The following LRRFIP1 variants were observed in gnomAD, a reference collection of about 807,000 sequenced individuals.
LRRFIP1 encodes LRR binding FLII interacting protein 1, also known as leucine-rich repeat flightless-interacting protein 1.
A neutral mutation model predicts 104.4 loss-of-function variants in LRRFIP1; 62 were observed. The ratio of observed to expected loss-of-function variants is 0.59; its 90% CI spans 0.48 to 0.73. LRRFIP1 has a LOEUF of 0.73. Ranked by LOEUF, LRRFIP1 falls within the 30% of genes least tolerant of loss-of-function variation. The pLI is 0.00. For missense variants in LRRFIP1, 796 were observed against 824.5 expected (o/e 0.97, Z 0.42); for synonymous variants, 300 against 299.0 (o/e 1.00, Z -0.03).
chr2:237,731,703 A>C (rs1336744997), intron 8 of LRRFIP1, among the ~76,000 whole-genome samples: 6 of 152,252 alleles, frequency 3.9e-5, no homozygotes, highest in Admixed American at 3.3e-4. Flanking sequence ...GATGGCAATA[A>C]ATATCTCATC....
chr2:237,774,214 C>A, intron 22 of LRRFIP1, 144 bp from the exon 23 acceptor site: 1 of 622,056 alleles, frequency 1.6e-6, no homozygotes, highest in Non-Finnish European at 2.9e-6. Context: ...CTCAAACCCA[C>A]ACCATAGTCC....
chr2:237,634,884 A>G (rs1432792018), intron 1 of LRRFIP1, among the ~76,000 whole-genome samples: 1 of 152,242 alleles, frequency 6.6e-6, no homozygotes, highest in Non-Finnish European at 1.5e-5. Flanking sequence ...AACAAAGCAG[A>G]TAATCTATCA....
chr2:237,647,901 G>C (rs1389048736), intron 1 of LRRFIP1, among the ~76,000 whole-genome samples: 2 of 152,082 alleles, frequency 1.3e-5, no homozygotes, highest in Non-Finnish European at 2.9e-5. Flanking sequence ...AGAAGTGGAG[G>C]CTGCTGCCAA....
chr2:237,681,866 A>G (rs1441000465), intron 1 of LRRFIP1, among the ~76,000 whole-genome samples: 1 of 149,554 alleles, frequency 6.7e-6, no homozygotes, highest in Non-Finnish European at 1.5e-5. Flanking sequence ...TTTTTAGTAG[A>G]GACGGGGTTT....
chr2:237,738,178 T>C (rs2095310287), intron 10 of LRRFIP1, among the ~76,000 whole-genome samples: 1 of 152,062 alleles, frequency 6.6e-6, no homozygotes, highest in African/African-American at 2.4e-5. Flanking sequence ...CCTGAAGATC[T>C]GGATGAGATC....
intron 1 of LRRFIP1, among the ~76,000 whole-genome samples, chr2:237,679,027 A>AG (rs1410481744): frequency 6.6e-6 from 1 of 152,220 alleles, no homozygotes; most frequent in Non-Finnish European, 1.5e-5. Flanking sequence ...GACTCCCACC[A>AG]GGCACAGCGC....
intron 11 of LRRFIP1, among the ~76,000 whole-genome samples, chr2:237,745,650 C>A (rs2057746442): frequency 6.6e-6 from 1 of 152,136 alleles, no homozygotes; most frequent in Admixed American, 6.5e-5. Context: ...AGCTTTCTTG[C>A]AAGAAATACC....
intron 8 of LRRFIP1, among the ~76,000 whole-genome samples, chr2:237,730,283 C>T (rs527308844): frequency 2.6e-5 from 4 of 152,280 alleles, no homozygotes; most frequent in African/African-American, 9.6e-5. Context: ...CATCCAAATC[C>T]ACATGTTTAC....
At chr2:237,733,625 A>G (rs2095111254) in intron 8 of LRRFIP1, 149 bp from the exon 9 acceptor site, 1 of 656,624 alleles carries the variant, frequency 1.5e-6, no homozygotes, top group South Asian at 2.4e-5. Flanking sequence ...TTTGCAGAAA[A>G]CACGGTGCCT....
At chr2:237,763,513 A>G in intron 19 of LRRFIP1, 1 of 1,613,716 alleles carries the variant, frequency 6.2e-7, no homozygotes, top group Non-Finnish European at 8.5e-7. Flanking sequence ...ATCAGAACAC[A>G]GATTTAAGTG....
chr2:237,770,806 C>T (rs973900592), intron 20 of LRRFIP1: 10 of 152,220 alleles, frequency 6.6e-5, no homozygotes, highest in African/African-American at 2.2e-4. Flanking sequence ...AACAAAGAAA[C>T]ACTGAACAGT....
At position 237,758,766 on chromosome 2, in the gene LRRFIP1, G is replaced by C; in HGVS notation, c.1262G>C (p.Arg421Thr). Residue 421 changes from arginine (R) to threonine (T), a missense_variant, in exon 18 of 24, where the codon AGG becomes ACG. Arg to Thr is a moderately conservative substitution (Grantham distance 71). Coordinates refer to ENST00000308482, the MANE Select transcript of LRRFIP1 (RefSeq NM_001137550.2). ...ERQKEFFDSV[R>T]SERDDLREEV... Reference sequence around the variant, plus strand: ...CAGAAAGAGTTCTTTGATTCCGTAAGGAGTGAACGGGATGATCTTAGAGAA... The same window carrying C: ...CAGAAAGAGTTCTTTGATTCCGTAACGAGTGAACGGGATGATCTTAGAGAA... 6.2e-7 allele frequency: 1 copy of C among 1,613,516 alleles called. No individual in the cohort carries two copies. Among genetic ancestry groups the C allele is most frequent in the Non-Finnish European group, 8.5e-7 (1 of 1,179,730 alleles).
chr2:237,778,891 T>C (rs992017669), intron 23 of LRRFIP1, among the ~76,000 whole-genome samples: 11 of 148,498 alleles, frequency 7.4e-5, no homozygotes, highest in African/African-American at 2.7e-4. Context: ...TACTCTGGCC[T>C]GGGTGACAGA....
chr2:237,773,964 C>T, intron 22 of LRRFIP1: 1 of 168,764 alleles, frequency 5.9e-6, no homozygotes, highest in Non-Finnish European at 1.3e-5. Flanking sequence ...GTCCTTTCCT[C>T]CTCCCACCCC....
rs747387138 is a variant in LRRFIP1, at chr2:237,749,231, C to G, written c.702C>G (p.Ala234=). 3.7e-6 allele frequency: 6 copies of G among 1,613,866 alleles called. No homozygotes were observed. Among genetic ancestry groups the G allele is most frequent in the Admixed American group, 1.7e-5 (1 of 60,010 alleles). ...GTAACATGCCGGGCCTGTCTGCAGC[C>G]ACGCTGGCCTCTCTGGGTGGGACTT... is the stretch of plus-strand genomic sequence containing the variant. The part of the protein sequence containing the change: ...GSRNMPGLSA[A]TLASLGGTSS... Residue 234 remains alanine, a synonymous_variant, in exon 13 of 24, where the codon GCC becomes GCG. Coordinates refer to ENST00000308482, the MANE Select transcript of LRRFIP1 (RefSeq NM_001137550.2).
intron 1 of LRRFIP1, among the ~76,000 whole-genome samples, chr2:237,676,948 T>A (rs1384741581): frequency 1.3e-5 from 2 of 152,260 alleles, no homozygotes; most frequent in East Asian, 3.8e-4. Flanking sequence ...CTGGGGAAAC[T>A]CTGCGCTGGC....
At position 237,753,381 on chromosome 2, in the gene LRRFIP1, A is replaced by G. The variant is rs773197164; in HGVS notation, c.940A>G (p.Thr314Ala). ...CAATGCTCAGCTAGACAATGAAAAG[A>G]CAAACTTCATGTACCAGGTTGATAC... is the stretch of plus-strand genomic sequence containing the variant. ...VSNAQLDNEK[T>A]NFMYQVDTLK... is the part of the protein sequence containing the mutation. The change falls in exon 15 of 24, where the codon ACA (threonine) becomes GCA (alanine). Residue 314 changes from threonine to alanine, a missense_variant. By Grantham distance (58) the Thr-to-Ala change is moderately conservative. Transcript: ENST00000308482. 6.2e-7 allele frequency: 1 copy of G among 1,606,190 alleles called. No homozygotes were observed. The highest frequency in any genetic ancestry group is 8.5e-7 in the Non-Finnish European group (1 of 1,178,304).
Position 237,774,456 on chromosome 2 carries a change from AAG to A in LRRFIP1, c.1811_1812del (p.Glu604AlafsTer7). 1.2e-6 allele frequency: 2 copies of A among 1,607,298 alleles called. No homozygotes were observed. The highest frequency in any genetic ancestry group is 1.7e-6 in the Non-Finnish European group (2 of 1,174,592). On this transcript the variant is annotated frameshift_variant, in exon 23 of 24. Coordinates refer to ENST00000308482, the MANE Select transcript of LRRFIP1 (RefSeq NM_001137550.2). LOFTEE classifies it high-confidence loss of function. ...ELKAEKRKLQ[R>X]ELRSALDKTE... ...TTAAGGCAGAAAAACGGAAACTCCAAAGAGAGGTAAATTTCCTAGGCAATTTC... is the reference window on the plus strand; with the variant it reads ...TTAAGGCAGAAAAACGGAAACTCCAAAGAGGTAAATTTCCTAGGCAATTTC...
chr2:237,696,853 G>A (rs972941257), intron 1 of LRRFIP1, among the ~76,000 whole-genome samples: 1 of 152,206 alleles, frequency 6.6e-6, no homozygotes, highest in African/African-American at 2.4e-5. Flanking sequence ...CAGCCCTGCT[G>A]TCTCATACCC....
Sources: allele counts gnomAD v4.1 joint callset (sites outside exome capture counted in the v4.1 genomes callset), GRCh38; gene constraint gnomAD v4.1.1; transcripts MANE v1.5; gene names NCBI Gene and HGNC (gene_info 2026-07-23, HGNC 2026-07-21).